SCD5: variants seen among roughly 807,000 people sequenced by gnomAD.
The protein encoded by SCD5 is acyl-CoA-desaturase 4.
SCD5 carries 20 observed loss-of-function variants against 30.4 expected under a neutral mutation model. The ratio of observed to expected loss-of-function variants is 0.66; its 90% CI spans 0.46 to 0.96. The LOEUF is 0.96. Ranked by LOEUF, SCD5 falls within the 40% of genes least tolerant of loss-of-function variation. The pLI, the probability that SCD5 is intolerant of heterozygous loss-of-function variation, is 0.00. For synonymous variants in SCD5, 173 were observed against 176.4 expected (o/e 0.98, Z 0.16); for missense variants, 381 against 443.3 (o/e 0.86, Z 1.26).
intron 1 of SCD5, among the ~76,000 whole-genome samples, chr4:82,778,046 A>G (rs1721790831): frequency 6.6e-6 from 1 of 152,142 alleles, no homozygotes; most frequent in Non-Finnish European, 1.5e-5. Context: ...CATAAAAAGG[A>G]ATGAGATCAT....
chr4:82,669,227 C>A (rs1728254168), intron 3 of SCD5, among the ~76,000 whole-genome samples: 1 of 151,790 alleles, frequency 6.6e-6, no homozygotes, highest in Non-Finnish European at 1.5e-5. Flanking sequence ...TTTGTCTAAC[C>A]ACCCTGCCCT....
chr4:82,634,192 T>C (rs976646849), intron 4 of SCD5, among the ~76,000 whole-genome samples: 5 of 152,264 alleles, frequency 3.3e-5, no homozygotes, highest in African/African-American at 1.2e-4. Context: ...TTAGCTATTA[T>C]GAATAACGTT....
At chr4:82,694,168 C>T (rs1482506184) in intron 2 of SCD5, among the ~76,000 whole-genome samples, 1 of 152,208 alleles carries the variant, frequency 6.6e-6, no homozygotes, top group African/African-American at 2.4e-5. Flanking sequence ...AGTCTGCTGC[C>T]TCTGACTGGT....
intron 3 of SCD5, among the ~76,000 whole-genome samples, chr4:82,676,763 C>T (rs1728444918): frequency 6.6e-6 from 1 of 152,208 alleles, no homozygotes; most frequent in Non-Finnish European, 1.5e-5. Flanking sequence ...AGTCATAAGA[C>T]CTAGGACAGG....
At chr4:82,798,131 C>T (rs898888289) in intron 1 of SCD5, among the ~76,000 whole-genome samples, 175 bp downstream of exon 1, 4 of 151,542 alleles carry the variant, frequency 2.6e-5, no homozygotes, top group East Asian at 3.9e-4. Context: ...AACACCTGCC[C>T]GTCCCAAGGG....
At chr4:82,729,789 C>G (rs1467425701) in intron 1 of SCD5, among the ~76,000 whole-genome samples, 2 of 152,194 alleles carry the variant, frequency 1.3e-5, no homozygotes, top group Non-Finnish European at 2.9e-5. Context: ...CTCCTCCCCT[C>G]TCTACCAGGA....
At chr4:82,726,710 T>G (rs944389578) in intron 1 of SCD5, among the ~76,000 whole-genome samples, 3 of 152,166 alleles carry the variant, frequency 2.0e-5, no homozygotes, top group African/African-American at 7.2e-5. Context: ...TTATTATGCT[T>G]TAAATGTTGG....
chr4:82,753,286 T>C (rs1205311274), intron 1 of SCD5: 2 of 498,376 alleles, frequency 4.0e-6, no homozygotes, highest in African/African-American at 3.9e-5. Context: ...TAGATGGCTA[T>C]GTGTGTTAAA....
intron 1 of SCD5, among the ~76,000 whole-genome samples, chr4:82,797,699 TAGAAGA>T (rs1722254520): frequency 6.6e-6 from 1 of 151,334 alleles, no homozygotes; most frequent in South Asian, 2.1e-4. Flanking sequence ...CAAATGGGCA[TAGAAGA>T]TTGCGGAGGG....
intron 3 of SCD5, among the ~76,000 whole-genome samples, chr4:82,653,693 G>GATAGATAGATAC (rs1481808542): frequency 9.9e-5 from 14 of 141,968 alleles, no homozygotes; most frequent in African/African-American, 3.2e-4. Flanking sequence ...TAGATAGATA[G>GATAGATAGATAC]ATAGATAGAT....
chr4:82,636,867 G>A, intron 3 of SCD5, 44 bp from the exon 4 acceptor site: 1 of 1,491,678 alleles, frequency 6.7e-7, no homozygotes, highest in East Asian at 2.4e-5. Flanking sequence ...CCGCTGATGG[G>A]AGAGAGGATG....
At chr4:82,749,126 C>T (rs1292397710) in intron 1 of SCD5, among the ~76,000 whole-genome samples, 1 of 152,108 alleles carries the variant, frequency 6.6e-6, no homozygotes, top group African/African-American at 2.4e-5. Flanking sequence ...AAGAAGTGGC[C>T]AAGGCAAGCT....
At chr4:82,745,820 T>TAA (rs1249878101) in intron 1 of SCD5, among the ~76,000 whole-genome samples, 1 of 152,112 alleles carries the variant, frequency 6.6e-6, no homozygotes, top group Non-Finnish European at 1.5e-5. Context: ...CTGAGGTAGG[T>TAA]AAGAGGCAGT....
At chr4:82,784,007 AC>A (rs1463974964) in intron 1 of SCD5, among the ~76,000 whole-genome samples, 1 of 152,224 alleles carries the variant, frequency 6.6e-6, no homozygotes, top group East Asian at 1.9e-4. Context: ...TAGATTCTAT[AC>A]ATACACACGT....
At chr4:82,679,263 G>GAAAGAAAGAAAGAAAGAAA (rs1560531713) in intron 3 of SCD5, among the ~76,000 whole-genome samples, 6 of 118,308 alleles carry the variant, frequency 5.1e-5, no homozygotes, top group African/African-American at 1.9e-4. Flanking sequence ...AAAGAAAGAA[G>GAAAGAAAGAAAGAAAGAAA]GAAGGAAAGA....
chr4:82,784,410 C>T (rs1721943215), intron 1 of SCD5, among the ~76,000 whole-genome samples: 1 of 152,174 alleles, frequency 6.6e-6, no homozygotes, highest in Admixed American at 6.5e-5. Flanking sequence ...ACATCATATT[C>T]CCAACCCCTA....
rs1225904796 is a variant in SCD5 at position 82,636,829 on chromosome 4, G to A, written c.570-6C>T. The A allele has an allele frequency of 1.9e-6, 3 of 1,603,330 alleles. No homozygotes were observed. The highest frequency in any genetic ancestry group is 2.2e-5 in the East Asian group (1 of 44,530). On this transcript the variant is annotated splice_region_variant and splice_polypyrimidine_tract_variant and intron_variant, in intron 3 of 4. Coordinates refer to ENST00000319540, the MANE Select transcript of SCD5 (RefSeq NM_001037582.3). The stretch of plus-strand genomic sequence containing the variant: ...CCACGGAGATCTTATAGTACCTACA[G>A]GGCAAGACACCATATCACCATGAGG...
At chr4:82,702,360 C>T (rs1332983141) in intron 2 of SCD5, among the ~76,000 whole-genome samples, 1 of 151,536 alleles carries the variant, frequency 6.6e-6, no homozygotes, top group Admixed American at 6.6e-5. Flanking sequence ...GGCCAGGCTG[C>T]TCTCGAACTC....
At chr4:82,694,657 C>CTT (rs61079382) in intron 2 of SCD5, among the ~76,000 whole-genome samples, 13,575 of 151,942 alleles carry the variant, frequency 0.089, 915 homozygotes, top group African/African-American at 0.18. Flanking sequence ...ATCAATAACT[C>CTT]TGCAGATCCA....
Sources: gnomAD v4.1 joint callset for allele counts (sites outside exome capture counted in the v4.1 genomes callset) on GRCh38, gnomAD v4.1.1 for gene constraint, MANE v1.5 for transcripts, NCBI Gene and HGNC (gene_info 2026-07-23, HGNC 2026-07-21) for gene names.